Variants in ERI1 observed in about 807,000 individuals in gnomAD.
The protein encoded by ERI1 is 3'-5' exoribonuclease 1.
A neutral mutation model predicts 39.7 loss-of-function variants in ERI1; 39 were observed. The observed-to-expected ratio is 0.98, with a 90% CI of 0.76 to 1.28. ERI1 has a LOEUF of 1.28. Ranked by LOEUF, ERI1 falls within the 50% of genes most tolerant of loss-of-function variation. The pLI, the probability that ERI1 is intolerant of heterozygous loss-of-function variation, is 0.00. For synonymous variants in ERI1, 204 were observed against 149.6 expected, an observed-to-expected ratio of 1.36 and a Z score of -2.65; for missense variants, 581 against 416.9, an observed-to-expected ratio of 1.39 and a Z score of -3.43.
chr8:9,051,653 G>T (rs1402839778), intron 3 of ERI1, among the ~76,000 whole-genome samples: 1 of 130,842 alleles, frequency 7.6e-6, no homozygotes, highest in Non-Finnish European at 1.7e-5. Flanking sequence ...CTGAGACCCT[G>T]TCTCAAAAAA....
intron 3 of ERI1, among the ~76,000 whole-genome samples, chr8:9,050,324 A>G (rs1798315948): frequency 6.6e-6 from 1 of 152,192 alleles, no homozygotes; most frequent in South Asian, 2.1e-4. Flanking sequence ...CCTGGCCAAC[A>G]TGGTGAAACC....
At chr8:9,095,613 C>A (rs758294771) in intron 3 of ERI1, among the ~76,000 whole-genome samples, 22 of 151,980 alleles carry the variant, frequency 1.4e-4, no homozygotes, top group Non-Finnish European at 3.1e-4. Context: ...TCAAGCCTCC[C>A]TGCTTCAGGT....
intron 3 of ERI1, among the ~76,000 whole-genome samples, chr8:9,079,732 G>A (rs916361117): frequency 2.6e-5 from 4 of 152,172 alleles, no homozygotes; most frequent in African/African-American, 9.7e-5. Context: ...GGAGTGCAGT[G>A]GATCACGGCT....
At chr8:9,097,195 C>A (rs944605733) in intron 3 of ERI1, among the ~76,000 whole-genome samples, 1 of 152,160 alleles carries the variant, frequency 6.6e-6, no homozygotes, top group Non-Finnish European at 1.5e-5. Context: ...AGCGCTTTCT[C>A]CCCGCTTTCA....
chr8:9,015,317 A>C (rs1444982607), intron 3 of ERI1, among the ~76,000 whole-genome samples: 1 of 152,130 alleles, frequency 6.6e-6, no homozygotes, highest in Non-Finnish European at 1.5e-5. Flanking sequence ...TATATCTACT[A>C]CCTAGGATTA....
intron 5 of ERI1, among the ~76,000 whole-genome samples, 170 bp from the exon 6 acceptor site, chr8:9,020,180 A>T (rs1344362228): frequency 2.0e-5 from 3 of 152,186 alleles, no homozygotes; most frequent in Admixed American, 6.5e-5. Context: ...TGGTTTTTAA[A>T]GCTTAATTTT....
At chr8:9,019,854 C>G (rs894364751) in intron 5 of ERI1, among the ~76,000 whole-genome samples, 1 of 152,252 alleles carries the variant, frequency 6.6e-6, no homozygotes, top group Admixed American at 6.5e-5. Flanking sequence ...CACGTAGGAA[C>G]CAACACAATT....
At position 9,047,448 on chromosome 8, in the gene ERI1, G is replaced by C. The variant is rs547095759; in HGVS notation, n.299+26984G>C. On this transcript the variant is annotated intron_variant and non_coding_transcript_variant, in intron 3 of 3. Coordinates refer to the ERI1 transcript ENST00000518663. The stretch of plus-strand genomic sequence containing the variant: ...ACTAGGAGATGGGAAATGGGCTGCA[G>C]AAGTTCTGAAGCTGAAAATGTCACC... Among the ~76,000 whole-genome samples, 17 of 152,204 alleles carry C rather than the reference G, an allele frequency of 1.1e-4. No homozygotes were observed. The South Asian group carries it at 3.1e-3, about 28-fold the overall frequency.
chr8:9,025,780 C>T (rs1396458650), intron 6 of ERI1, among the ~76,000 whole-genome samples: 1 of 151,098 alleles, frequency 6.6e-6, no homozygotes, highest in Non-Finnish European at 1.5e-5. Context: ...TGATTGGGAC[C>T]AGAAGAAATG....
chr8:9,051,790 A>C (rs1243622677), intron 3 of ERI1, among the ~76,000 whole-genome samples: 2 of 152,164 alleles, frequency 1.3e-5, no homozygotes, highest in Admixed American at 6.5e-5. Flanking sequence ...ATTTTCCTTG[A>C]TTATGAGTTT....
intron 6 of ERI1, among the ~76,000 whole-genome samples, chr8:9,027,819 T>A (rs1444232938): frequency 6.6e-6 from 1 of 152,210 alleles, no homozygotes; most frequent in African/African-American, 2.4e-5. Context: ...ATGTCTATAC[T>A]AATACCACTC....
Position 9,008,051 on chromosome 8 carries a change from C to T in ERI1, c.190C>T (p.Pro64Ser), listed in dbSNP as rs757514102. ...CTCCAGTGCGAGTGACTTCAGTGAC[C>T]CGGTTTACAAAGAGATTGCCATTAC... ...ITSSASDFSD[P>S]VYKEIAITNG... Residue 64 changes from proline to serine, a missense_variant, in exon 2 of 7, where the codon CCG becomes TCG. Transcript: ENST00000250263. 24 of 1,607,766 alleles carry T rather than the reference C, an allele frequency of 1.5e-5. No individual in the cohort carries two copies. The highest frequency in any genetic ancestry group is 1.7e-4 in the Middle Eastern group (1 of 6,034).
intron 4 of ERI1, among the ~76,000 whole-genome samples, chr8:9,016,973 A>G (rs1165531503): frequency 6.6e-6 from 1 of 152,146 alleles, no homozygotes; most frequent in Non-Finnish European, 1.5e-5. Context: ...GTGAGCCACC[A>G]TGCCCAGCCA....
At position 9,008,053 on chromosome 8, in the gene ERI1, G is replaced by A. The variant is rs1265200880; in HGVS notation, c.192G>A (p.Pro64=). Residue 64 remains proline, a synonymous_variant, in exon 2 of 7, where the codon CCG becomes CCA. Coordinates refer to ENST00000250263, the MANE Select transcript of ERI1 (RefSeq NM_153332.4). ...ITSSASDFSD[P]VYKEIAITNG... is the part of the protein sequence containing the mutation. ...CCAGTGCGAGTGACTTCAGTGACCC[G>A]GTTTACAAAGAGATTGCCATTACGA... 3.7e-6 allele frequency: 6 copies of A among 1,602,038 alleles called. No individual in the cohort carries two copies. Among genetic ancestry groups the A allele is most frequent in the Middle Eastern group, 1.7e-4 (1 of 5,994 alleles).
rs138737787 is a variant in ERI1, at chr8:9,008,077, G to C, written c.216G>C (p.Thr72=). ...CGGTTTACAAAGAGATTGCCATTAC[G>C]AATGGCTGTATTAATAGAATGAGTA... ...SDPVYKEIAI[T]NGCINRMSKE... Residue 72 remains threonine (T), a synonymous_variant, in exon 2 of 7, where the codon ACG becomes ACC. Coordinates refer to ENST00000250263, the MANE Select transcript of ERI1 (RefSeq NM_153332.4). 6.2e-7 allele frequency: 1 copy of C among 1,611,490 alleles called. No homozygotes were observed. The highest frequency in any genetic ancestry group is 2.2e-5 in the East Asian group (1 of 44,764).
intron 3 of ERI1, among the ~76,000 whole-genome samples, chr8:9,076,847 A>G (rs2117441260): frequency 6.6e-6 from 1 of 152,366 alleles, no homozygotes; most frequent in East Asian, 1.9e-4. Flanking sequence ...GGCTAGGACC[A>G]CAGGAGAGCT....
At chr8:9,056,210 A>G (rs1212741328) in intron 3 of ERI1, among the ~76,000 whole-genome samples, 1 of 152,232 alleles carries the variant, frequency 6.6e-6, no homozygotes, top group Non-Finnish European at 1.5e-5. Flanking sequence ...CTGGAAGTGG[A>G]AGACACTGTC....
chr8:9,065,885 G>C (rs969891987), intron 3 of ERI1, among the ~76,000 whole-genome samples: 14 of 152,096 alleles, frequency 9.2e-5, no homozygotes, highest in South Asian at 6.2e-4. Context: ...GTGGGTGGTG[G>C]AGAGTGTGTC....
chr8:9,061,004 G>T (rs1798676370), intron 3 of ERI1, among the ~76,000 whole-genome samples: 1 of 152,220 alleles, frequency 6.6e-6, no homozygotes, highest in South Asian at 2.1e-4. Context: ...CATATTTAGA[G>T]TCAGTATAAA....
Sources: gnomAD v4.1 joint callset for allele counts (sites outside exome capture counted in the v4.1 genomes callset) on GRCh38, gnomAD v4.1.1 for gene constraint, MANE v1.5 for transcripts, NCBI Gene and HGNC (gene_info 2026-07-23, HGNC 2026-07-21) for gene names.